Variants in SGK1 observed in about 807,000 individuals in gnomAD.
SGK1 encodes the protein serine/threonine-protein kinase Sgk1.
A neutral mutation model predicts 64.2 loss-of-function variants in SGK1; 26 were observed. That is an observed-to-expected ratio of 0.40 (90% CI 0.30 to 0.56). SGK1 has a LOEUF of 0.56. SGK1 is among the 20% of genes least tolerant of loss of function. The pLI is 0.38. For missense variants in SGK1, 519 were observed against 645.6 expected (o/e 0.80, Z 2.12); for synonymous variants, 265 against 239.7 (o/e 1.11, Z -0.98).
chr6:134,272,434 G>A (rs908456021), intron 1 of SGK1, among the ~76,000 whole-genome samples: 5 of 146,052 alleles, frequency 3.4e-5, no homozygotes, highest in Admixed American at 7.1e-5. Flanking sequence ...GATTACAGGC[G>A]TGAGCCACTG....
intron 1 of SGK1, among the ~76,000 whole-genome samples, chr6:134,303,979 C>T (rs1777497425): frequency 6.6e-6 from 1 of 152,152 alleles, no homozygotes; most frequent in Non-Finnish European, 1.5e-5. Flanking sequence ...AGGACTCGGC[C>T]TTATGAGATC....
chr6:134,170,112 A>G lies in SGK1; in HGVS notation c.*156T>C. ...ACTGAGGAGAATGTGCTCTTCAAAA[A>G]GCTTCCAGCGAACAGTGTGCAATAA... On this transcript the variant is annotated 3_prime_UTR_variant, in exon 14 of 14. Transcript: ENST00000367858. 1.8e-6 allele frequency: 1 copy of G among 544,342 alleles called. No individual in the cohort carries two copies. 33.7% of individuals were successfully genotyped at this position (544,342 alleles called of 1,614,324 possible).
intron 1 of SGK1, among the ~76,000 whole-genome samples, chr6:134,266,697 G>GC (rs1776860070): frequency 6.6e-6 from 1 of 152,118 alleles, no homozygotes; most frequent in Middle Eastern, 3.4e-3. Context: ...TCACTATAGG[G>GC]CCCCTTAAGC....
intron 2 of SGK1, among the ~76,000 whole-genome samples, chr6:134,225,051 T>C (rs1268811035): frequency 6.7e-6 from 1 of 149,952 alleles, no homozygotes; most frequent in Admixed American, 6.7e-5. Context: ...TTATAATATT[T>C]ACAAAATGTA....
chr6:134,183,848 A>ACCCCTC (rs1562243390), intron 3 of SGK1, among the ~76,000 whole-genome samples: 1 of 80,128 alleles, frequency 1.2e-5, no homozygotes, highest in Non-Finnish European at 2.5e-5. Context: ...ACCTGTCCCC[A>ACCCCTC]CCCCACCCCC....
At position 134,177,925 on chromosome 6, in the gene SGK1, T is replaced by C; in HGVS notation, c.362-3339A>G. 2.4e-6 allele frequency: 3 copies of C among 1,234,532 alleles called. No homozygotes were observed. In the South Asian group the frequency reaches 4.6e-5, roughly 19 times the overall value. The allele number at this position is 1,234,532 out of a possible 1,614,324, so 76.5% of individuals were successfully genotyped here. On this transcript the variant is annotated intron_variant, in intron 3 of 13. Transcript: ENST00000367858. ...GGGAGCAAGCTGCAAAGTTCAACAC[T>C]GGGCCATTTATTCTCCCCATTGCGA... is the stretch of plus-strand genomic sequence containing the variant.
At chr6:134,314,554 T>C (rs1408639174) in intron 1 of SGK1, among the ~76,000 whole-genome samples, 1 of 152,230 alleles carries the variant, frequency 6.6e-6, no homozygotes. Context: ...TAATAATGTT[T>C]CTTACCTTAT....
At chr6:134,181,953 G>A (rs750834384) in intron 3 of SGK1, among the ~76,000 whole-genome samples, 17 of 151,476 alleles carry the variant, frequency 1.1e-4, no homozygotes, top group Non-Finnish European at 2.1e-4. Context: ...CGCCTCCCAG[G>A]TTCAAGTGAT....
intron 2 of SGK1, among the ~76,000 whole-genome samples, chr6:134,225,388 G>A (rs145124890): frequency 5.9e-5 from 9 of 151,602 alleles, no homozygotes; most frequent in Non-Finnish European, 1.2e-4. Context: ...TATAATTGTG[G>A]ATCCAGACTC....
intron 1 of SGK1, among the ~76,000 whole-genome samples, chr6:134,285,435 G>A (rs1171117522): frequency 6.9e-6 from 1 of 144,090 alleles, no homozygotes; most frequent in African/African-American, 2.6e-5. Context: ...CTGAGATCCT[G>A]CCACTGCACT....
chr6:134,206,375 A>AT (rs1775781528), intron 3 of SGK1, among the ~76,000 whole-genome samples: 1 of 4,248 alleles, frequency 2.4e-4, no homozygotes, highest in Admixed American at 3.4e-3. Flanking sequence ...ATATATATAT[A>AT]TATATATATT....
rs537032511 is a variant in SGK1 at position 134,221,396 on chromosome 6, G to T, written c.286-13965C>A. On this transcript the variant is annotated intron_variant, in intron 2 of 13. Coordinates refer to ENST00000367858, the MANE Select transcript of SGK1 (RefSeq NM_001143676.3). ...GTAAAAAGACTTCTTTCCTGGGGTTGTACTCACTGAGCCCTCACCCTGGAA... is the reference window on the plus strand; with the variant it reads ...GTAAAAAGACTTCTTTCCTGGGGTTTTACTCACTGAGCCCTCACCCTGGAA... Among the ~76,000 whole-genome samples, 3 of 152,312 alleles carry T rather than the reference G, an allele frequency of 2.0e-5. No homozygotes were observed. The East Asian group carries it at 5.8e-4, about 29-fold the overall frequency.
At chr6:134,291,407 T>A (rs1777262802) in intron 1 of SGK1, among the ~76,000 whole-genome samples, 1 of 152,210 alleles carries the variant, frequency 6.6e-6, no homozygotes, top group Non-Finnish European at 1.5e-5. Context: ...TAAGTTGTTA[T>A]CTGACCTTAC....
chr6:134,317,469 G>T lies in SGK1; in HGVS notation c.-9C>A. 6.3e-7 allele frequency: 1 copy of T among 1,593,074 alleles called. No individual in the cohort carries two copies. Among genetic ancestry groups the T allele is most frequent in the South Asian group, 1.1e-5 (1 of 90,656 alleles). On this transcript the variant is annotated 5_prime_UTR_variant, in exon 1 of 14. Coordinates refer to ENST00000367858, the MANE Select transcript of SGK1 (RefSeq NM_001143676.3). ...ATGTCTTTGTTTACCATTTTCCACC[G>T]TGGGGAATTCACAGTTATAGATCCA... is the stretch of plus-strand genomic sequence containing the variant.
At chr6:134,214,859 T>C (rs1334660633) in intron 2 of SGK1, 1 of 178,470 alleles carries the variant, frequency 5.6e-6, no homozygotes, top group Non-Finnish European at 1.2e-5. Flanking sequence ...CAACTTATTT[T>C]CTATGAGTCC....
intron 2 of SGK1, among the ~76,000 whole-genome samples, chr6:134,215,336 G>A (rs141005007): frequency 9.9e-5 from 15 of 151,524 alleles, no homozygotes; most frequent in Admixed American, 5.3e-4. Context: ...GGCTGGTCTC[G>A]AACACCTGAC....
intron 1 of SGK1, among the ~76,000 whole-genome samples, chr6:134,282,902 C>A (rs748178610): frequency 7.9e-5 from 12 of 151,672 alleles, no homozygotes; most frequent in Non-Finnish European, 1.2e-4. Flanking sequence ...CTCTGGAGAA[C>A]CCTAACTGAT....
intron 1 of SGK1, among the ~76,000 whole-genome samples, chr6:134,265,634 A>AGTG (rs1562269026): frequency 1.9e-4 from 28 of 146,146 alleles, no homozygotes; most frequent in African/African-American, 6.5e-4. Flanking sequence ...ATATATATAC[A>AGTG]TATATATATA....
At chr6:134,206,357 ATATATATATATATATATATATATATAT>A (rs1245457017) in intron 3 of SGK1, among the ~76,000 whole-genome samples, 4 of 5,712 alleles carry the variant, frequency 7.0e-4, no homozygotes, top group Admixed American at 1.3e-3. Context: ...ATATATATAT[ATATATATATATATATATATATATATAT>A]TTTTTTTTTT....
Sources: gnomAD v4.1 joint callset for allele counts (sites outside exome capture counted in the v4.1 genomes callset) on GRCh38, gnomAD v4.1.1 for gene constraint, MANE v1.5 for transcripts, NCBI Gene and HGNC (gene_info 2026-07-23, HGNC 2026-07-21) for gene names.